The following SMARCA2 variants were observed in gnomAD, a reference collection of about 807,000 sequenced individuals.
SMARCA2 encodes SWI/SNF related BAF chromatin remodeling complex subunit ATPase 2, also known as SWI/SNF-related matrix-associated actin-dependent regulator of chromatin subfamily A member 2.
A neutral mutation model predicts 199.8 loss-of-function variants in SMARCA2; 61 were observed. That is an observed-to-expected ratio of 0.31 (90% CI 0.25 to 0.38). The LOEUF (loss-of-function observed/expected upper bound fraction) is 0.38, where lower values mean the gene tolerates loss of function less well. Among genes scored for constraint, SMARCA2 ranks in the 10% least tolerant of loss-of-function variants. SMARCA2 has a pLI of 1.00. For synonymous variants in SMARCA2, 935 were observed against 732.0 expected (o/e 1.28, Z -4.48); for missense variants, 1,344 against 2,012.2 (o/e 0.67, Z 6.35).
At chr9:2,047,536 C>T (rs759279667) in intron 5 of SMARCA2, 52 bp downstream of exon 5, 79 of 1,258,576 alleles carry the variant, frequency 6.3e-5, no homozygotes, top group Non-Finnish European at 8.0e-5. Context: ...GCACCTGCCG[C>T]CCAAGCCGAG....
At position 2,017,391 on chromosome 9, in the gene SMARCA2, G is replaced by A. The variant is rs1818402116; in HGVS notation, c.-37+1987G>A. ...CCGGCGCGAGTGTGTCTGCGCGTGA[G>A]TGTGAGTGTGAGTGTGTGTTGTGCG... On this transcript the variant is annotated intron_variant, in intron 1 of 33. Coordinates refer to ENST00000349721, the MANE Select transcript of SMARCA2 (RefSeq NM_003070.5). The surrounding 1 kb of genome is among the most constrained non-coding windows in gnomAD (Gnocchi z 8.8). The A allele has an allele frequency of 6.6e-6, 1 of 152,058 alleles. No individual in the cohort carries two copies. Among genetic ancestry groups the A allele is most frequent in the African/African-American group, 2.4e-5 (1 of 41,428 alleles). The allele number at this position is 152,058 out of a possible 1,614,324, so 9.4% of individuals were successfully genotyped here.
At chr9:2,098,755 G>A (rs1339434493) in intron 21 of SMARCA2, among the ~76,000 whole-genome samples, 1 of 152,088 alleles carries the variant, frequency 6.6e-6, no homozygotes, top group East Asian at 1.9e-4. Context: ...GGCCAACATG[G>A]TGAAACCCCG....
chr9:2,065,494 C>G (rs776274032), intron 9 of SMARCA2, among the ~76,000 whole-genome samples: 3 of 152,132 alleles, frequency 2.0e-5, no homozygotes, highest in Non-Finnish European at 4.4e-5. Flanking sequence ...AAGTAAATCT[C>G]AGGACTGTGA....
At chr9:2,057,582 C>G (rs1820411056) in intron 7 of SMARCA2, among the ~76,000 whole-genome samples, 1 of 152,130 alleles carries the variant, frequency 6.6e-6, no homozygotes, top group Non-Finnish European at 1.5e-5. Context: ...ATTTTCATAA[C>G]AAATATAATA....
Position 2,033,023 on chromosome 9 carries a change from G to C in SMARCA2, c.297G>C (p.Met99Ile), listed in dbSNP as rs1416769236. The change falls in exon 3 of 34, where the codon ATG becomes ATC. Residue 99 changes from methionine to isoleucine, a missense_variant. By Grantham distance (10) the Met-to-Ile change is conservative (BLOSUM62 1). Around this residue, in one of 18 missense-constraint regions of SMARCA2, gnomAD observed 275 missense variants for 247.5 expected, o/e 1.11. Transcript: ENST00000349721. Reference protein sequence around the residue: ...IHCGSMKGTGMRPPHPGMGPP... With the variant: ...IHCGSMKGTGIRPPHPGMGPP... The stretch of plus-strand genomic sequence containing the variant: ...GTGGATCCATGAAGGGCACTGGTAT[G>C]CGACCACCTCACCCAGGCATGGGCC... 3 of 1,614,144 alleles carry C rather than the reference G, an allele frequency of 1.9e-6. No homozygotes were observed. The East Asian group carries it at 6.7e-5, about 36-fold the overall frequency.
chr9:2,167,079 A>G (rs1825968754), intron 28 of SMARCA2, among the ~76,000 whole-genome samples: 1 of 152,182 alleles, frequency 6.6e-6, no homozygotes, highest in Non-Finnish European at 1.5e-5. Flanking sequence ...TCTTTCTCAT[A>G]TTGAAATTGG....
At chr9:2,031,559 C>T (rs918437899) in intron 2 of SMARCA2, among the ~76,000 whole-genome samples, 1 of 152,164 alleles carries the variant, frequency 6.6e-6, no homozygotes, top group Non-Finnish European at 1.5e-5. Flanking sequence ...ATGTTTTTCT[C>T]CTGGATTGTT....
At chr9:2,029,352 C>G (rs1448558899) in intron 2 of SMARCA2, 105 bp downstream of exon 2, 2 of 1,461,084 alleles carry the variant, frequency 1.4e-6, no homozygotes, top group Admixed American at 4.7e-5. Flanking sequence ...GAAAATCATG[C>G]AAGATCTTTG....
At chr9:2,070,374 C>T (rs781101116) in intron 9 of SMARCA2, 44 bp from the exon 10 acceptor site, 13 of 1,542,740 alleles carry the variant, frequency 8.4e-6, no homozygotes, top group Admixed American at 3.3e-5. Context: ...TCCTGTACCC[C>T]ATCATCTTGG....
At chr9:2,096,183 A>G (rs1822266835) in intron 19 of SMARCA2, among the ~76,000 whole-genome samples, 1 of 152,208 alleles carries the variant, frequency 6.6e-6, no homozygotes, top group Non-Finnish European at 1.5e-5. Context: ...ATCTCACTTT[A>G]AGACTAGTAT....
chr9:2,178,808 G>A (rs1431612286), intron 29 of SMARCA2, among the ~76,000 whole-genome samples: 1 of 152,146 alleles, frequency 6.6e-6, no homozygotes, highest in East Asian at 1.9e-4. Flanking sequence ...TATAGGTAAT[G>A]TGGAAGCTAG....
In SMARCA2 at chr9:2,074,433, C is replaced by T. The variant is rs543504252; in HGVS notation, c.1935+810C>T. ...GGTAAAACATCCTTACCCATAATAG[C>T]TTACCAGGGTCTCAAGACTATGGCT... On this transcript the variant is annotated intron_variant, in intron 12 of 33. Transcript: ENST00000349721. 1.1e-4 allele frequency among the ~76,000 whole-genome samples: 17 copies of T among 152,302 alleles called. No homozygotes were observed. The South Asian group carries it at 3.3e-3, about 30-fold the overall frequency.
At chr9:2,096,192 A>G (rs1234942418) in intron 19 of SMARCA2, among the ~76,000 whole-genome samples, 1 of 152,200 alleles carries the variant, frequency 6.6e-6, no homozygotes, top group Non-Finnish European at 1.5e-5. Flanking sequence ...TAAGACTAGT[A>G]TTAGAGATAC....
intron 4 of SMARCA2, chr9:2,043,263 A>G (rs1208486026): frequency 6.6e-6 from 1 of 152,196 alleles, no homozygotes; most frequent in Non-Finnish European, 1.5e-5. Context: ...TAATTCACCA[A>G]AAGTGACATC....
chr9:2,173,201 C>T (rs915713903), intron 29 of SMARCA2, among the ~76,000 whole-genome samples: 8 of 152,100 alleles, frequency 5.3e-5, no homozygotes, highest in African/African-American at 1.4e-4. Flanking sequence ...TGTGTGTGTG[C>T]ACATGTGCAT....
Position 2,104,542 on chromosome 9 carries a change from A to C in SMARCA2, c.3292+373A>C, listed in dbSNP as rs1463531821. On this transcript the variant is annotated intron_variant, in intron 23 of 33. Coordinates refer to ENST00000349721, the MANE Select transcript of SMARCA2 (RefSeq NM_003070.5). This position sits in a 1 kb window ranked among gnomAD's most constrained non-coding sequence, Gnocchi z 4.0. ...AACTTTTTCAGTTAAGGCATATTTT[A>C]AGGGGATAAAGGCTATGTCACTTTT... Among the ~76,000 whole-genome samples, 1 of 152,218 alleles carries C rather than the reference A, an allele frequency of 6.6e-6. No homozygotes were observed. The highest frequency in any genetic ancestry group is 1.5e-5 in the Non-Finnish European group (1 of 68,034).
chr9:2,037,288 G>A (rs958189510), intron 3 of SMARCA2, among the ~76,000 whole-genome samples: 2 of 152,208 alleles, frequency 1.3e-5, no homozygotes, highest in Non-Finnish European at 2.9e-5. Flanking sequence ...TGCTAGTCTT[G>A]CAAGCTTTCA....
intron 10 of SMARCA2, 157 bp from the exon 11 acceptor site, chr9:2,073,055 C>G (rs1008930039): frequency 1.3e-6 from 1 of 748,466 alleles, no homozygotes; most frequent in East Asian, 2.8e-5. Flanking sequence ...TGGGAGGTAG[C>G]CTCTCACCTC....
At chr9:2,093,972 C>T (rs527476506) in intron 19 of SMARCA2, among the ~76,000 whole-genome samples, 53 of 152,218 alleles carry the variant, frequency 3.5e-4, no homozygotes, top group African/African-American at 1.3e-3. Context: ...TTTTCTTCTC[C>T]ATTATCAAAA....
Sources: gnomAD v4.1 joint callset for allele counts (sites outside exome capture counted in the v4.1 genomes callset) on GRCh38, gnomAD v4.1.1 for gene constraint, gnomAD v4.1.1 regional missense constraint, Gnocchi (gnomAD v3.1) non-coding constraint, MANE v1.5 for transcripts, NCBI Gene and HGNC (gene_info 2026-07-23, HGNC 2026-07-21) for gene names.